SREK1: variants seen among roughly 807,000 people sequenced by gnomAD.
The protein encoded by SREK1 is splicing regulatory glutamic acid and lysine rich protein 1.
SREK1 carries 13 observed loss-of-function variants against 66.5 expected under a neutral mutation model. That is an observed-to-expected ratio of 0.20 (90% CI 0.13 to 0.31). The LOEUF is 0.31. Ranked by LOEUF, SREK1 falls within the 10% of genes least tolerant of loss-of-function variation. The pLI is 1.00. For missense variants in SREK1, 607 were observed against 769.6 expected (o/e 0.79, Z 2.50); for synonymous variants, 265 against 263.5 (o/e 1.01, Z -0.05).
intron 6 of SREK1, 160 bp downstream of exon 6, chr5:66,164,082 C>T: frequency 2.4e-6 from 2 of 822,240 alleles, no homozygotes; most frequent in Non-Finnish European, 3.6e-6. Context: ...CAAAGAACAA[C>T]TTAGCCCATA....
intron 7 of SREK1, chr5:66,166,806 TTC>T (rs1158699004): frequency 6.6e-6 from 1 of 152,208 alleles, no homozygotes; most frequent in East Asian, 1.9e-4. Flanking sequence ...TGTCAGCATA[TTC>T]TGTTTTTGTG....
intron 7 of SREK1, chr5:66,168,142 G>C (rs995369266): frequency 2.0e-5 from 3 of 151,550 alleles, no homozygotes; most frequent in Admixed American, 6.6e-5. Flanking sequence ...AAAAAATATG[G>C]AATGAAGACA....
At chr5:66,172,454 G>A (rs1207206869) in intron 9 of SREK1, among the ~76,000 whole-genome samples, 1 of 152,142 alleles carries the variant, frequency 6.6e-6, no homozygotes, top group Non-Finnish European at 1.5e-5. Context: ...GGAGTGCAGT[G>A]TCATGATCTT....
In SREK1 at chr5:66,170,793, G is replaced by T. The variant is rs758298366; in HGVS notation, c.1330G>T (p.Asp444Tyr). 1.1e-5 allele frequency: 18 copies of T among 1,608,774 alleles called. No homozygotes were observed. The highest frequency in any genetic ancestry group is 1.4e-5 in the Non-Finnish European group (17 of 1,177,220). The change falls in exon 9 of 12, where the codon GAT becomes TAT. Residue 444 changes from aspartate to tyrosine, a missense_variant. By Grantham distance (160) the Asp-to-Tyr change is radical (BLOSUM62 -3). Around this residue, in one of 5 missense-constraint regions of SREK1, gnomAD observed 318 missense variants for 310.3 expected, o/e 1.02. Transcript: ENST00000334121. ...AGAACGGGAAAAAGAGCATGAGAAGGATCGAGACAAAGAGAAGGAAAAGGA... is the reference window on the plus strand; with the variant it reads ...AGAACGGGAAAAAGAGCATGAGAAGTATCGAGACAAAGAGAAGGAAAAGGA... ...EREREKEHEK[D>Y]RDKEKEKEQD... is the part of the protein sequence containing the mutation.
intron 2 of SREK1, among the ~76,000 whole-genome samples, chr5:66,154,176 G>A (rs1315610210): frequency 6.6e-6 from 1 of 152,152 alleles, no homozygotes; most frequent in Non-Finnish European, 1.5e-5. Context: ...TGGAAAAAAA[G>A]GAAAGCAATT....
At chr5:66,151,834 CTT>C (rs60920757) in intron 1 of SREK1, among the ~76,000 whole-genome samples, 3 of 84,786 alleles carry the variant, frequency 3.5e-5, no homozygotes, top group African/African-American at 1.3e-4. Context: ...GAGGTACATC[CTT>C]TTTTTTTTTT....
chr5:66,157,188 T>C (rs1423088961), intron 2 of SREK1: 1 of 961,040 alleles, frequency 1.0e-6, no homozygotes, highest in Non-Finnish European at 1.2e-6. Context: ...TAGTATACTA[T>C]ATTTATAGTA....
chr5:66,173,981 G>A (rs774524033), intron 9 of SREK1, among the ~76,000 whole-genome samples: 14 of 152,114 alleles, frequency 9.2e-5, no homozygotes, highest in East Asian at 1.9e-4. Context: ...TATATATACC[G>A]TGTGAGCATT....
At chr5:66,169,349 T>G (rs985287625) in intron 7 of SREK1, 2 of 152,160 alleles carry the variant, frequency 1.3e-5, no homozygotes, top group African/African-American at 4.8e-5. Context: ...TTCGTGATGC[T>G]CAAAGGAAAT....
In SREK1 at chr5:66,177,853, A is replaced by G. The variant is rs989460524; in HGVS notation, c.1725+195A>G. 5.3e-5 allele frequency among the ~76,000 whole-genome samples: 8 copies of G among 152,120 alleles called. No homozygotes were observed. The East Asian group carries it at 7.7e-4, about 15-fold the overall frequency. On this transcript the variant is annotated intron_variant, in intron 11 of 11. Transcript: ENST00000334121. Reference sequence around the variant, plus strand: ...AAGAGATAAGAGCCAATTAAAACTAAAAAAACTAAGTTAAATCCTAACATG... The same window carrying G: ...AAGAGATAAGAGCCAATTAAAACTAGAAAAACTAAGTTAAATCCTAACATG...
chr5:66,147,173 T>A (rs1432965702), intron 1 of SREK1, among the ~76,000 whole-genome samples: 1 of 152,240 alleles, frequency 6.6e-6, no homozygotes, highest in African/African-American at 2.4e-5. Flanking sequence ...CGTTAAGAAT[T>A]TTTTAAGGCT....
At chr5:66,173,769 GAAA>G (rs1745841059) in intron 9 of SREK1, among the ~76,000 whole-genome samples, 2 of 152,112 alleles carry the variant, frequency 1.3e-5, no homozygotes, top group African/African-American at 4.8e-5. Flanking sequence ...CACATGCTTT[GAAA>G]AAAGTATTTT....
chr5:66,161,815 G>A (rs1744797329), intron 3 of SREK1, among the ~76,000 whole-genome samples: 1 of 152,106 alleles, frequency 6.6e-6, no homozygotes, highest in Admixed American at 6.5e-5. Flanking sequence ...ATAATTCATT[G>A]TTCACGGAAA....
intron 1 of SREK1, among the ~76,000 whole-genome samples, chr5:66,146,411 C>G (rs916210080): frequency 2.0e-5 from 3 of 152,134 alleles, no homozygotes; most frequent in Non-Finnish European, 4.4e-5. Flanking sequence ...AGTAATGGGC[C>G]ACTTTTTTGA....
chr5:66,144,576 C>T (rs1742981869), intron 1 of SREK1, 39 bp downstream of exon 1: 1 of 1,528,208 alleles, frequency 6.5e-7, no homozygotes, highest in African/African-American at 1.4e-5. Flanking sequence ...GGCGCGGGCG[C>T]CATAGAGACC....
chr5:66,152,623 T>C (rs1233259772), intron 1 of SREK1, among the ~76,000 whole-genome samples: 1 of 152,216 alleles, frequency 6.6e-6, no homozygotes, highest in Non-Finnish European at 1.5e-5. Flanking sequence ...TGAAAAATCT[T>C]AAATGTTTCA....
rs573441375 is a variant in SREK1 at position 66,183,261 on chromosome 5, A to G, written c.*4393A>G. On this transcript the variant is annotated 3_prime_UTR_variant, in exon 12 of 12. Transcript: ENST00000334121. ...ATGTAAGTATAAATTCATAAAAATCACACTGAAAGAATAGGTTGATTTCAA... is the reference window on the plus strand; with the variant it reads ...ATGTAAGTATAAATTCATAAAAATCGCACTGAAAGAATAGGTTGATTTCAA... 2 of 152,344 alleles carry G rather than the reference A, an allele frequency of 1.3e-5. 1 individual carries two copies. Among genetic ancestry groups the G allele is most frequent in the South Asian group, 4.1e-4 (2 of 4,832 alleles). The allele number at this position is 152,344 out of a possible 1,614,324, so 9.4% of individuals were successfully genotyped here.
chr5:66,171,881 G>T (rs911636655), intron 9 of SREK1, among the ~76,000 whole-genome samples: 2 of 150,830 alleles, frequency 1.3e-5, no homozygotes, highest in Non-Finnish European at 2.9e-5. Flanking sequence ...CCTCACAACA[G>T]GCCTGGGAGA....
Position 66,156,585 on chromosome 5 carries a change from T to G in SREK1, c.296-2634T>G, listed in dbSNP as rs1385323019. ...CAGCGCAACATTTTTCTAGTTTTTT[T>G]CCCCCCTAGTCTACATCTCTCATAA... On this transcript the variant is annotated intron_variant, in intron 2 of 11. Coordinates refer to ENST00000334121, the MANE Select transcript of SREK1 (RefSeq NM_001077199.3). The G allele has an allele frequency of 2.0e-5, 20 of 985,362 alleles. No individual in the cohort carries two copies. In the Admixed American group the frequency reaches 2.5e-4, roughly 12 times the overall value. 61.0% of individuals were successfully genotyped at this position (985,362 alleles called of 1,614,324 possible).
Sources: allele counts gnomAD v4.1 joint callset (sites outside exome capture counted in the v4.1 genomes callset), GRCh38; gene constraint gnomAD v4.1.1; regional missense constraint gnomAD v4.1.1; transcripts MANE v1.5; gene names NCBI Gene and HGNC (gene_info 2026-07-23, HGNC 2026-07-21).